The following DGKB variants were observed in gnomAD, a reference collection of about 807,000 sequenced individuals.
The protein encoded by DGKB is 90 kDa diacylglycerol kinase.
Under a neutral mutation model 114.3 loss-of-function variants are expected in DGKB, and 67 were observed. The observed-to-expected ratio is 0.59, with a 90% CI of 0.48 to 0.72. The LOEUF is 0.72. Ranked by LOEUF, DGKB falls within the 30% of genes least tolerant of loss-of-function variation. DGKB has a pLI of 0.00. For synonymous variants in DGKB, 398 were observed against 323.1 expected, an observed-to-expected ratio of 1.23 and a Z score of -2.49; for missense variants, 907 against 975.2, an observed-to-expected ratio of 0.93 and a Z score of 0.93.
At chr7:14,569,560 C>A (rs1268758388) in intron 20 of DGKB, among the ~76,000 whole-genome samples, 1 of 152,052 alleles carries the variant, frequency 6.6e-6, no homozygotes, top group East Asian at 1.9e-4. Context: ...TTGTGCCATC[C>A]CTATACTAAG....
In DGKB at chr7:14,573,467, CTGTGTGTGTGTGTGTGTGTG is replaced by C. The variant is rs4027158; in HGVS notation, c.1770+725_1770+744del. On this transcript the variant is annotated intron_variant, in intron 20 of 25. Transcript: ENST00000402815. Reference sequence around the variant, plus strand: ...CTACTAGCCTTTTTATAATCTATCTCTGTGTGTGTGTGTGTGTGTGTGTGTGTGTGTGTGTGTGTATGAGA... The same window carrying C: ...CTACTAGCCTTTTTATAATCTATCTCTGTGTGTGTGTGTGTGTGTATGAGA... Among the ~76,000 whole-genome samples, 2 of 145,596 alleles carry C rather than the reference CTGTGTGTGTGTGTGTGTGTG, an allele frequency of 1.4e-5. 1 individual carries two copies. The highest frequency in any genetic ancestry group is 4.0e-4 in the East Asian group (2 of 4,954).
intron 17 of DGKB, among the ~76,000 whole-genome samples, chr7:14,586,746 C>T (rs1800834818): frequency 6.6e-6 from 1 of 151,932 alleles, no homozygotes; most frequent in Admixed American, 6.6e-5. Flanking sequence ...TTATGCCAAA[C>T]TTACTCTACC....
In DGKB at chr7:14,836,427, C is replaced by G. The variant is rs550744283; in HGVS notation, c.70+4767G>C. ...ATATATAGCAAATAAAAAGCTAACC[C>G]TAAGTGACAATACGTGGGCAGATAA... On this transcript the variant is annotated intron_variant, in intron 2 of 25. Coordinates refer to ENST00000402815, the MANE Select transcript of DGKB (RefSeq NM_001350709.2). Among the ~76,000 whole-genome samples the G allele has an allele frequency of 1.1e-4, 16 of 152,242 alleles. No individual in the cohort carries two copies. In the East Asian group the frequency reaches 2.9e-3, roughly 28 times the overall value.
At chr7:14,840,847 C>A (rs368731101) in intron 2 of DGKB, among the ~76,000 whole-genome samples, 2 of 151,874 alleles carry the variant, frequency 1.3e-5, no homozygotes, top group East Asian at 1.9e-4. Flanking sequence ...TCACTCTCTG[C>A]GCCCGTTTGT....
chr7:14,920,183 A>C (rs1017092082), intron 1 of DGKB, among the ~76,000 whole-genome samples: 1 of 152,214 alleles, frequency 6.6e-6, no homozygotes, highest in Admixed American at 6.5e-5. Flanking sequence ...TTTAAAACTT[A>C]TGTGCAAAAG....
At chr7:14,324,479 T>A (rs1020786638) in intron 23 of DGKB, among the ~76,000 whole-genome samples, 1 of 151,310 alleles carries the variant, frequency 6.6e-6, no homozygotes, top group African/African-American at 2.4e-5. Flanking sequence ...ATGTCAGATT[T>A]AAGACCCGAC....
chr7:14,397,362 A>G (rs1166432050), intron 21 of DGKB, among the ~76,000 whole-genome samples: 4 of 152,110 alleles, frequency 2.6e-5, no homozygotes, highest in Admixed American at 2.6e-4. Flanking sequence ...TTAGGAGAAT[A>G]GAAGTACTAG....
chr7:14,261,983 G>A (rs1177635147), intron 23 of DGKB, among the ~76,000 whole-genome samples: 1 of 152,164 alleles, frequency 6.6e-6, no homozygotes, highest in African/African-American at 2.4e-5. Context: ...ATAGTGAAAT[G>A]TGCTATACGC....
intron 15 of DGKB, among the ~76,000 whole-genome samples, chr7:14,615,890 T>C (rs762667362): frequency 2.6e-5 from 4 of 151,710 alleles, no homozygotes; most frequent in South Asian, 2.1e-4. Flanking sequence ...TTGCATTGTA[T>C]TGCAATGCAA....
intron 20 of DGKB, among the ~76,000 whole-genome samples, chr7:14,505,015 C>A (rs1467993699): frequency 6.6e-6 from 1 of 152,164 alleles, no homozygotes; most frequent in African/African-American, 2.4e-5. Flanking sequence ...GAAGAATAAG[C>A]CTTCATGTTG....
intron 2 of DGKB, among the ~76,000 whole-genome samples, chr7:14,822,850 G>T (rs1220726218): frequency 6.6e-6 from 1 of 151,972 alleles, no homozygotes; most frequent in Non-Finnish European, 1.5e-5. Context: ...TTAAAGACTT[G>T]AACTTCTGAT....
At chr7:14,239,127 T>A (rs1270262678) in intron 23 of DGKB, among the ~76,000 whole-genome samples, 1 of 152,032 alleles carries the variant, frequency 6.6e-6, no homozygotes, top group African/African-American at 2.4e-5. Context: ...CTATTATTCA[T>A]CTACAGGATA....
At chr7:14,159,910 G>T (rs968296573) in intron 25 of DGKB, among the ~76,000 whole-genome samples, 32 of 152,084 alleles carry the variant, frequency 2.1e-4, no homozygotes, top group Admixed American at 2.0e-4. Context: ...GATCTTGGGT[G>T]ATCTGCCTGC....
chr7:14,215,852 A>G (rs1474055027), intron 23 of DGKB, among the ~76,000 whole-genome samples: 5 of 152,200 alleles, frequency 3.3e-5, no homozygotes, highest in Non-Finnish European at 7.3e-5. Flanking sequence ...TTTATTCACA[A>G]AAGTCAAACA....
chr7:14,317,553 A>G (rs1314469051), intron 23 of DGKB, among the ~76,000 whole-genome samples: 1 of 151,364 alleles, frequency 6.6e-6, no homozygotes, highest in Non-Finnish European at 1.5e-5. Flanking sequence ...AAAGAGAATA[A>G]AAGACCTAGG....
chr7:14,830,680 C>T (rs1317620175), intron 2 of DGKB, among the ~76,000 whole-genome samples: 1 of 152,014 alleles, frequency 6.6e-6, no homozygotes, highest in Non-Finnish European at 1.5e-5. Context: ...CAAAAAGCAA[C>T]ACAGCCTGCT....
At chr7:14,241,603 AT>A (rs1306096492) in intron 23 of DGKB, among the ~76,000 whole-genome samples, 6 of 151,754 alleles carry the variant, frequency 4.0e-5, no homozygotes, top group Non-Finnish European at 5.9e-5. Context: ...TGAATTGGAA[AT>A]TTTTTTTGTA....
intron 1 of DGKB, among the ~76,000 whole-genome samples, chr7:14,893,536 C>G (rs190452356): frequency 1.2e-4 from 18 of 151,290 alleles, no homozygotes; most frequent in Admixed American, 1.1e-3. Flanking sequence ...GGATTTGTAG[C>G]GATGCCAAGA....
intron 5 of DGKB, among the ~76,000 whole-genome samples, chr7:14,730,051 T>C (rs1015913566): frequency 6.6e-6 from 1 of 152,172 alleles, no homozygotes; most frequent in African/African-American, 2.4e-5. Context: ...GTACCAGACA[T>C]TTTCTATTAC....
Sources: allele counts gnomAD v4.1 joint callset (sites outside exome capture counted in the v4.1 genomes callset), GRCh38; gene constraint gnomAD v4.1.1; transcripts MANE v1.5; gene names NCBI Gene and HGNC (gene_info 2026-07-23, HGNC 2026-07-21).